DOCK10: variants seen among roughly 807,000 people sequenced by gnomAD.
DOCK10 encodes dedicator of cytokinesis protein 10.
A neutral mutation model predicts 280.1 loss-of-function variants in DOCK10; 145 were observed. The ratio of observed to expected loss-of-function variants is 0.52; its 90% confidence interval spans 0.45 to 0.59. DOCK10 has a LOEUF of 0.59. Among genes scored for constraint, DOCK10 ranks in the 20% least tolerant of loss-of-function variants. The pLI is 0.00. For missense variants in DOCK10, 2,368 were observed against 2,651.7 expected (o/e 0.89, Z 2.35); for synonymous variants, 915 against 942.2 (o/e 0.97, Z 0.53).
chr2:224,803,971 G>T, intron 39 of DOCK10, 141 bp downstream of exon 39: 1 of 557,420 alleles, frequency 1.8e-6, no homozygotes, highest in Non-Finnish European at 3.1e-6. Flanking sequence ...CTTGAAATCT[G>T]CACTTGGTTT....
chr2:225,000,576 C>T (rs1382862846), intron 1 of DOCK10, among the ~76,000 whole-genome samples: 2 of 152,164 alleles, frequency 1.3e-5, no homozygotes, highest in Non-Finnish European at 2.9e-5. Context: ...AAGGTGTCTA[C>T]GCCAACAGTA....
In DOCK10 at chr2:224,893,971, T is replaced by C. The variant is rs1455571904; in HGVS notation, c.416+2324A>G. ...GTAAAATCATTTTAAAGAATAATTC[T>C]GCTGTTCAGTGCTCATCTTCATTGT... On this transcript the variant is annotated intron_variant, in intron 4 of 55. Transcript: ENST00000258390. Among the ~76,000 whole-genome samples, 3 of 152,232 alleles carry C rather than the reference T, an allele frequency of 2.0e-5. No homozygotes were observed. In the East Asian group the frequency reaches 5.8e-4, roughly 29 times the overall value.
At chr2:224,930,832 T>C (rs1702319769) in intron 2 of DOCK10, among the ~76,000 whole-genome samples, 1 of 152,228 alleles carries the variant, frequency 6.6e-6, no homozygotes, top group Admixed American at 6.5e-5. Context: ...CCCATTGAGA[T>C]CTCTGTTTGA....
intron 17 of DOCK10, 134 bp from the exon 18 acceptor site, chr2:224,852,576 C>T: frequency 1.4e-6 from 1 of 708,998 alleles, no homozygotes; most frequent in Non-Finnish European, 2.3e-6. Flanking sequence ...GTGACATTAT[C>T]CATAATCTTT....
chr2:224,983,650 TCAAA>T (rs1705866338), intron 1 of DOCK10: 3 of 411,554 alleles, frequency 7.3e-6, no homozygotes, highest in South Asian at 3.7e-5. Flanking sequence ...AGCATGATGC[TCAAA>T]CAGGCATTAA....
intron 1 of DOCK10, among the ~76,000 whole-genome samples, chr2:225,000,621 C>T (rs781221155): frequency 5.9e-5 from 9 of 152,194 alleles, no homozygotes; most frequent in South Asian, 2.1e-4. Context: ...AGTGACTCTA[C>T]GAGCCAGCCA....
chr2:224,907,854 T>C (rs568001311), intron 3 of DOCK10, among the ~76,000 whole-genome samples: 1 of 152,354 alleles, frequency 6.6e-6, no homozygotes, highest in Admixed American at 6.5e-5. Context: ...TTGAACTACA[T>C]TGTGCCTCTA....
chr2:225,003,359 T>G (rs1706489775), intron 1 of DOCK10, among the ~76,000 whole-genome samples: 1 of 152,184 alleles, frequency 6.6e-6, no homozygotes, highest in South Asian at 2.1e-4. Context: ...GTTACATTTT[T>G]CAGTTTGAGT....
chr2:224,862,347 CA>C, intron 14 of DOCK10: 1 of 197,430 alleles, frequency 5.1e-6, no homozygotes, highest in Non-Finnish European at 1.0e-5. Flanking sequence ...GACATAATGT[CA>C]AAGGTTTGTT....
chr2:224,891,285 G>C (rs1263321402), intron 4 of DOCK10, among the ~76,000 whole-genome samples: 1 of 152,150 alleles, frequency 6.6e-6, no homozygotes, highest in African/African-American at 2.4e-5. Context: ...ATTATACATA[G>C]AGTGACCAAA....
At chr2:224,899,606 C>T (rs997251311) in intron 3 of DOCK10, among the ~76,000 whole-genome samples, 1 of 152,076 alleles carries the variant, frequency 6.6e-6, no homozygotes, top group African/African-American at 2.4e-5. Context: ...TAGCATGGAG[C>T]TCACAAGAAA....
chr2:224,917,101 C>CTT (rs58223345), intron 2 of DOCK10, among the ~76,000 whole-genome samples: 2,659 of 95,450 alleles, frequency 0.028, 376 homozygotes, highest in African/African-American at 0.094. Context: ...CTATTGGAAT[C>CTT]TTTTTTTTTT....
chr2:224,866,995 C>T (rs1359362271), intron 11 of DOCK10, among the ~76,000 whole-genome samples: 2 of 151,886 alleles, frequency 1.3e-5, no homozygotes, highest in African/African-American at 4.8e-5. Context: ...ATTTACAAAC[C>T]ACGATCTGGG....
chr2:224,808,645 T>G (rs1280263479), intron 31 of DOCK10, among the ~76,000 whole-genome samples: 1 of 152,028 alleles, frequency 6.6e-6, no homozygotes. Context: ...GTGAGAGAAT[T>G]AGGCTTGAGA....
chr2:224,872,248 CA>C (rs1226393264), intron 11 of DOCK10, among the ~76,000 whole-genome samples: 1 of 152,206 alleles, frequency 6.6e-6, no homozygotes, highest in Non-Finnish European at 1.5e-5. Flanking sequence ...CAATTTCTCA[CA>C]TATTTAGATG....
chr2:224,867,787 G>T (rs1264627125), intron 11 of DOCK10, among the ~76,000 whole-genome samples: 5 of 152,182 alleles, frequency 3.3e-5, no homozygotes, highest in African/African-American at 4.8e-5. Context: ...CAAAGAGCTT[G>T]GATATTCTTT....
At chr2:224,959,143 T>C (rs1407560179) in intron 1 of DOCK10, among the ~76,000 whole-genome samples, 1 of 152,164 alleles carries the variant, frequency 6.6e-6, no homozygotes, top group Non-Finnish European at 1.5e-5. Flanking sequence ...AACTACAGAG[T>C]GGAGACTGCC....
chr2:225,033,144 A>G (rs937319904), intron 1 of DOCK10, among the ~76,000 whole-genome samples: 4 of 152,008 alleles, frequency 2.6e-5, no homozygotes, highest in Non-Finnish European at 5.9e-5. Flanking sequence ...GTATTTTCAC[A>G]TTTAAGTTGC....
In DOCK10 at chr2:224,903,109, A is replaced by C. The variant is rs143353675; in HGVS notation, c.334-6732T>G. 3.2e-3 allele frequency among the ~76,000 whole-genome samples: 495 copies of C among 152,312 alleles called. 2 individuals are homozygous for C. The highest frequency in any genetic ancestry group is 5.1e-3 in the Non-Finnish European group (350 of 68,026). The stretch of plus-strand genomic sequence containing the variant: ...CGAGACTCCGTCTCAAAAAACCAAA[A>C]CAAAACAAACAAACAAACAAAAAAA... On this transcript the variant is annotated intron_variant, in intron 3 of 55. Transcript: ENST00000258390.
Sources: gnomAD v4.1 joint callset for allele counts (sites outside exome capture counted in the v4.1 genomes callset) on GRCh38, gnomAD v4.1.1 for gene constraint, MANE v1.5 for transcripts, NCBI Gene and HGNC (gene_info 2026-07-23, HGNC 2026-07-21) for gene names.